Variants in GSE1 observed in about 807,000 individuals in gnomAD.
The protein encoded by GSE1 is Gse1 coiled-coil protein.
GSE1 carries 32 observed loss-of-function variants against 112.6 expected under a neutral mutation model. The ratio of observed to expected loss-of-function variants is 0.28; its 90% CI spans 0.21 to 0.38. The LOEUF (loss-of-function observed/expected upper bound fraction) is 0.38. GSE1 is among the 10% of genes least tolerant of loss of function. GSE1 has a pLI of 1.00. For synonymous variants in GSE1, 1,115 were observed against 735.6 expected (o/e 1.52, Z -8.35); for missense variants, 2,348 against 1,699.2 (o/e 1.38, Z -6.71).
At chr16:85,612,151 A>T (rs1421906987), upstream of GSE1, among the ~76,000 whole-genome samples, 1 of 151,494 alleles carries the variant, frequency 6.6e-6, no homozygotes, top group Non-Finnish European at 1.5e-5. Context: ...AGGGCGCCAG[A>T]AGGCGGCAGG....
intron 1 of GSE1, among the ~76,000 whole-genome samples, chr16:85,573,973 G>C (rs73269272): frequency 0.037 from 5,629 of 152,294 alleles, 343 homozygotes; most frequent in African/African-American, 0.13. Flanking sequence ...ACGTGGCGCC[G>C]TCTCTTTGGC....
At chr16:85,520,511 TC>T (rs1220738567) in intron 2 of GSE1, among the ~76,000 whole-genome samples, 2 of 149,288 alleles carry the variant, frequency 1.3e-5, no homozygotes, top group Middle Eastern at 3.4e-3. Flanking sequence ...AACCTCAGCC[TC>T]CCGGGCCCAA....
At chr16:85,653,494 C>T (rs1057374514) in intron 3 of GSE1, among the ~76,000 whole-genome samples, 10 of 151,096 alleles carry the variant, frequency 6.6e-5, no homozygotes, top group Non-Finnish European at 1.0e-4. Flanking sequence ...GGGCCACTGC[C>T]TCCTCCTGCT....
intron 1 of GSE1, among the ~76,000 whole-genome samples, chr16:85,329,474 T>A (rs1370627312): frequency 1.3e-5 from 2 of 151,734 alleles, no homozygotes; most frequent in African/African-American, 4.8e-5. Flanking sequence ...CCTGCTGGCT[T>A]GGGGGCTGCA....
chr16:85,623,952 G>A (rs960739479), intron 1 of GSE1, among the ~76,000 whole-genome samples: 1 of 152,176 alleles, frequency 6.6e-6, no homozygotes, highest in Non-Finnish European at 1.5e-5. Context: ...GCACTCACTC[G>A]GTACAGAAGG....
At chr16:85,276,931 G>A (rs1186419515) in intron 1 of GSE1, among the ~76,000 whole-genome samples, 7 of 152,240 alleles carry the variant, frequency 4.6e-5, no homozygotes, top group African/African-American at 1.4e-4. Flanking sequence ...GCTGGGCAGC[G>A]TGGGTGGGCA....
At chr16:85,523,054 G>A (rs930690536) in intron 2 of GSE1, among the ~76,000 whole-genome samples, 6 of 151,852 alleles carry the variant, frequency 4.0e-5, no homozygotes, top group African/African-American at 1.5e-4. Context: ...GTGCTGTGTG[G>A]CTATGTGTGC....
At chr16:85,507,339 C>G (rs2051571330) in intron 2 of GSE1, among the ~76,000 whole-genome samples, 1 of 152,206 alleles carries the variant, frequency 6.6e-6, no homozygotes. Flanking sequence ...GGCGACCCCA[C>G]AAGGCCAAAC....
intron 2 of GSE1, among the ~76,000 whole-genome samples, chr16:85,484,831 C>T (rs991532494): frequency 4.6e-5 from 7 of 152,382 alleles, no homozygotes; most frequent in Admixed American, 1.3e-4. Flanking sequence ...CCCTGCCTTA[C>T]CTGTCTCCTT....
In GSE1 at chr16:85,656,480, A is replaced by C. The variant is rs2051961656; in HGVS notation, c.1127A>C (p.Glu376Ala). 6.5e-7 allele frequency: 1 copy of C among 1,531,718 alleles called. No homozygotes were observed. Among genetic ancestry groups the C allele is most frequent in the Admixed American group, 2.0e-5 (1 of 50,874 alleles). 94.9% of individuals were successfully genotyped at this position (1,531,718 alleles called of 1,614,324 possible). The change falls in exon 7 of 16, where the codon GAG (glutamate) becomes GCG (alanine). Residue 376 changes from glutamate to alanine, a missense_variant. By Grantham distance (107) the Glu-to-Ala change is moderately radical (BLOSUM62 -1). Transcript: ENST00000253458. ...EKEREQEKER[E>A]REKERERELE... is the part of the protein sequence containing the mutation. ...GAGCGCGAGCAAGAGAAGGAGCGTG[A>C]GCGTGAGAAGGAGCGCGAGCGCGAG...
intron 2 of GSE1, among the ~76,000 whole-genome samples, chr16:85,437,643 A>T (rs374603187): frequency 6.6e-6 from 1 of 152,126 alleles, no homozygotes; most frequent in Admixed American, 6.5e-5. Flanking sequence ...CAGCCTGCGC[A>T]GGAGCCGCCT....
At chr16:85,645,229 C>T (rs2050756403) in intron 2 of GSE1, among the ~76,000 whole-genome samples, 1 of 152,078 alleles carries the variant, frequency 6.6e-6, no homozygotes, top group Non-Finnish European at 1.5e-5. Flanking sequence ...TCAGGGGCAG[C>T]AGCCCTCAGC....
At chr16:85,491,420 G>C (rs1405249658) in intron 2 of GSE1, among the ~76,000 whole-genome samples, 2 of 152,180 alleles carry the variant, frequency 1.3e-5, no homozygotes, top group Non-Finnish European at 2.9e-5. Context: ...GGGTATTCTG[G>C]GGGGCTGGGT....
chr16:85,629,417 C>T lies in GSE1; in HGVS notation c.8-4497C>T, dbSNP rs573416484. 1.8e-3 allele frequency among the ~76,000 whole-genome samples: 270 copies of T among 152,302 alleles called. 1 individual carries two copies. The highest frequency in any genetic ancestry group is 6.0e-3 in the African/African-American group (251 of 41,570). On this transcript the variant is annotated intron_variant, in intron 1 of 15. Transcript: ENST00000253458. ...CTGGAGGTGAAATGACCATACGGTG[C>T]CCCACGTTCCCCTTTTGCGGTAGCA...
intron 2 of GSE1, among the ~76,000 whole-genome samples, chr16:85,638,421 GGGGCGCTTT>G (rs1181656711): frequency 6.6e-6 from 1 of 152,204 alleles, no homozygotes; most frequent in Non-Finnish European, 1.5e-5. Context: ...TGCCGAGGCT[GGGGCGCTTT>G]GGGCAAGGGC....
At chr16:85,235,638 C>T (rs913750225) in intron 1 of GSE1, among the ~76,000 whole-genome samples, 4 of 151,324 alleles carry the variant, frequency 2.6e-5, no homozygotes, top group African/African-American at 4.9e-5. Context: ...TCATACTCCT[C>T]GTCCCCCCTC....
intron 1 of GSE1, among the ~76,000 whole-genome samples, chr16:85,184,133 G>A (rs2074652540): frequency 1.3e-5 from 2 of 152,216 alleles, no homozygotes; most frequent in Admixed American, 1.3e-4. Flanking sequence ...AGGATCCTCT[G>A]CAGCTCTGAG....
chr16:85,547,409 C>T (rs1276503388), intron 2 of GSE1, among the ~76,000 whole-genome samples: 1 of 152,210 alleles, frequency 6.6e-6, no homozygotes, highest in East Asian at 1.9e-4. Context: ...CATCCCTCGG[C>T]TTGTGGCCAT....
intron 2 of GSE1, among the ~76,000 whole-genome samples, chr16:85,401,763 C>T (rs1046531975): frequency 2.0e-5 from 3 of 152,234 alleles, no homozygotes; most frequent in South Asian, 2.1e-4. Flanking sequence ...GGTTGATACC[C>T]GTCCATGCTG....
Sources: allele counts gnomAD v4.1 joint callset (sites outside exome capture counted in the v4.1 genomes callset), GRCh38; gene constraint gnomAD v4.1.1; transcripts MANE v1.5; gene names NCBI Gene and HGNC (gene_info 2026-07-23, HGNC 2026-07-21).